Variants in FGD6 observed in about 807,000 individuals in gnomAD.
FGD6 encodes the protein FYVE, RhoGEF and PH domain containing 6, also known as FYVE, RhoGEF and PH domain-containing protein 6.
FGD6 carries 90 observed loss-of-function variants against 149.4 expected under a neutral mutation model. That is an observed-to-expected ratio of 0.60 (90% confidence interval 0.51 to 0.72). The LOEUF (loss-of-function observed/expected upper bound fraction) is 0.72. Among genes scored for constraint, FGD6 ranks in the 30% least tolerant of loss-of-function variants. The pLI is 0.00. For synonymous variants in FGD6, 527 were observed against 584.0 expected (o/e 0.90, Z 1.41); for missense variants, 1,437 against 1,684.8 (o/e 0.85, Z 2.57).
At chr12:95,174,137 A>G (rs967594494) in intron 2 of FGD6, among the ~76,000 whole-genome samples, 1 of 151,832 alleles carries the variant, frequency 6.6e-6, no homozygotes, top group African/African-American at 2.4e-5. Flanking sequence ...CAGGAGACTC[A>G]CTCCCCGGGG....
intron 17 of FGD6, among the ~76,000 whole-genome samples, chr12:95,089,933 T>C (rs1565892676): frequency 1.3e-5 from 2 of 152,062 alleles, no homozygotes; most frequent in African/African-American, 4.8e-5. Context: ...TGTGTGCCTT[T>C]AGAATTATGA....
chr12:95,192,667 A>G (rs1399813725), intron 2 of FGD6, among the ~76,000 whole-genome samples: 1 of 152,190 alleles, frequency 6.6e-6, no homozygotes, highest in East Asian at 1.9e-4. Context: ...AGTGTTAGAA[A>G]GGAAGAACGA....
At chr12:95,107,512 T>C (rs768839233) in intron 12 of FGD6, 51 bp downstream of exon 12, 2 of 1,586,184 alleles carry the variant, frequency 1.3e-6, no homozygotes, top group Non-Finnish European at 8.7e-7. Flanking sequence ...CTCCTTTCCT[T>C]AAGCAACTAT....
intron 8 of FGD6, among the ~76,000 whole-genome samples, chr12:95,116,129 T>A (rs374218476): frequency 1.3e-5 from 2 of 152,140 alleles, no homozygotes; most frequent in African/African-American, 4.8e-5. Flanking sequence ...CTTAGCCCCA[T>A]CTGGAGATGA....
intron 3 of FGD6, among the ~76,000 whole-genome samples, chr12:95,156,739 C>T (rs7488417): frequency 0.15 from 22,464 of 151,890 alleles, 1,760 homozygotes; most frequent in African/African-American, 0.18. Context: ...CAGAACCTGC[C>T]GACATGTGAT....
rs560230655 is a variant in FGD6 at position 95,079,165 on chromosome 12, A to G, written c.*2355T>C. The G allele has an allele frequency of 6.6e-6, 1 of 152,342 alleles. No homozygotes were observed. The highest frequency in any genetic ancestry group is 1.9e-4 in the East Asian group (1 of 5,192). 9.4% of individuals were successfully genotyped at this position (152,342 alleles called of 1,614,324 possible). ...CTTTAGTAAGTTATGAAGGACTCAT[A>G]AAGGGGCAGGGGAATGTAATACTAT... On this transcript the variant is annotated 3_prime_UTR_variant, in exon 21 of 21. Coordinates refer to ENST00000343958, the MANE Select transcript of FGD6 (RefSeq NM_018351.4).
intron 19 of FGD6, among the ~76,000 whole-genome samples, chr12:95,085,242 A>C (rs1228045055): frequency 7.7e-6 from 1 of 130,502 alleles, no homozygotes; most frequent in Non-Finnish European, 1.6e-5. Flanking sequence ...TTTGAGACAG[A>C]GTCTCTCTGT....
intron 5 of FGD6, among the ~76,000 whole-genome samples, chr12:95,144,694 CT>C (rs1003355993): frequency 2.4e-4 from 33 of 137,396 alleles, no homozygotes; most frequent in Non-Finnish European, 3.7e-4. Flanking sequence ...GCCCAGCTTA[CT>C]TTTTTTTTTG....
Position 95,102,285 on chromosome 12 carries a change from A to T in FGD6, c.3497+2722T>A, listed in dbSNP as rs576366169. ...ATGGTGAAACCCTGTCTCTACTAAAAATTAAAAACTTAGCTGGGCATGGTG... is the reference window on the plus strand; with the variant it reads ...ATGGTGAAACCCTGTCTCTACTAAATATTAAAAACTTAGCTGGGCATGGTG... On this transcript the variant is annotated intron_variant, in intron 14 of 20. Coordinates refer to ENST00000343958, the MANE Select transcript of FGD6 (RefSeq NM_018351.4). 2.3e-3 allele frequency among the ~76,000 whole-genome samples: 355 copies of T among 152,028 alleles called. 1 individual carries two copies. The highest frequency in any genetic ancestry group is 4.3e-3 in the Non-Finnish European group (294 of 67,966).
Position 95,081,576 on chromosome 12 carries a change from G to T in FGD6, c.4257-20C>A. 6.3e-7 allele frequency: 1 copy of T among 1,588,732 alleles called. No individual in the cohort carries two copies. On this transcript the variant is annotated intron_variant, in intron 20 of 20. Transcript: ENST00000343958. ...ATCCACCTATTGATAAGAGAAATCG[G>T]TTAGATTTGTAAAACCTAATCATCT...
At chr12:95,123,854 G>A (rs1387670322) in intron 8 of FGD6, among the ~76,000 whole-genome samples, 1 of 146,512 alleles carries the variant, frequency 6.8e-6, no homozygotes, top group Non-Finnish European at 1.5e-5. Context: ...GAGCCACCAC[G>A]CCCGGCCAAT....
At chr12:95,191,019 A>C (rs988428023) in intron 2 of FGD6, among the ~76,000 whole-genome samples, 7 of 152,222 alleles carry the variant, frequency 4.6e-5, no homozygotes, top group Admixed American at 6.5e-5. Context: ...TTTCAGTCTT[A>C]CTACATGTAA....
intron 16 of FGD6, 80 bp downstream of exon 16, chr12:95,092,619 G>T: frequency 1.4e-6 from 2 of 1,396,738 alleles, no homozygotes; most frequent in South Asian, 1.4e-5. Flanking sequence ...AATGGTTTAT[G>T]AGGGGAAATA....
At chr12:95,104,898 G>T in intron 14 of FGD6, 109 bp downstream of exon 14, 1 of 784,812 alleles carries the variant, frequency 1.3e-6, no homozygotes, top group Non-Finnish European at 2.0e-6. Flanking sequence ...GGGTGACAGA[G>T]TGAGATGCTG....
intron 3 of FGD6, among the ~76,000 whole-genome samples, chr12:95,163,044 T>G (rs545652627): frequency 2.0e-5 from 3 of 152,172 alleles, no homozygotes; most frequent in African/African-American, 7.2e-5. Flanking sequence ...TATAACCAGG[T>G]TAGTTCTCAG....
chr12:95,213,517 A>C (rs1050729205), intron 1 of FGD6, among the ~76,000 whole-genome samples: 14 of 152,254 alleles, frequency 9.2e-5, no homozygotes, highest in Non-Finnish European at 1.8e-4. Flanking sequence ...AAAATGAGTA[A>C]GACGGTAAAT....
intron 2 of FGD6, among the ~76,000 whole-genome samples, chr12:95,178,509 T>C (rs976310751): frequency 3.3e-5 from 5 of 152,198 alleles, no homozygotes; most frequent in Non-Finnish European, 2.9e-5. Context: ...GATGTTCTTA[T>C]TGAATAAGTA....
intron 5 of FGD6, among the ~76,000 whole-genome samples, chr12:95,148,154 A>G (rs12314847): frequency 0.018 from 2,806 of 152,182 alleles, 82 homozygotes; most frequent in African/African-American, 0.062. Flanking sequence ...CTTTACAACT[A>G]AAGAAAAAAT....
chr12:95,123,613 C>T (rs1221843511), intron 8 of FGD6, among the ~76,000 whole-genome samples: 2 of 151,374 alleles, frequency 1.3e-5, no homozygotes, highest in African/African-American at 4.9e-5. Flanking sequence ...CCAGGCTGGA[C>T]TACAGTGGCG....
Sources: allele counts gnomAD v4.1 joint callset (sites outside exome capture counted in the v4.1 genomes callset), GRCh38; gene constraint gnomAD v4.1.1; transcripts MANE v1.5; gene names NCBI Gene and HGNC (gene_info 2026-07-23, HGNC 2026-07-21).